The following TXNDC12 variants were observed in gnomAD, a reference collection of about 807,000 sequenced individuals.
TXNDC12 encodes the protein thioredoxin domain-containing protein 12.
In TXNDC12, 22 loss-of-function variants were observed where a neutral mutation model predicts 24.2. The observed-to-expected ratio is 0.91, with a 90% CI of 0.65 to 1.30. The LOEUF is 1.30. TXNDC12 is among the 50% of genes most tolerant of loss of function. The probability of loss-of-function intolerance (pLI) is 0.00; values close to 1 mark genes in which losing one functional copy is unlikely to be tolerated. For synonymous variants in TXNDC12, 58 were observed against 73.4 expected, an observed-to-expected ratio of 0.79 and a Z score of 1.07; for missense variants, 184 against 205.8, an observed-to-expected ratio of 0.89 and a Z score of 0.65.
At chr1:52,027,576 C>T (rs1461719892) in intron 3 of TXNDC12, among the ~76,000 whole-genome samples, 1 of 151,934 alleles carries the variant, frequency 6.6e-6, no homozygotes, top group African/African-American at 2.4e-5. Context: ...GAAGCTGTTA[C>T]CTCATTTATA....
chr1:52,023,437 G>A, intron 6 of TXNDC12, 54 bp downstream of exon 6: 1 of 1,414,286 alleles, frequency 7.1e-7, no homozygotes, highest in Non-Finnish European at 1.0e-6. Context: ...CTTGCATGTG[G>A]TTCATCCTAG....
intron 2 of TXNDC12, chr1:52,032,550 G>C: frequency 7.1e-7 from 1 of 1,403,268 alleles, no homozygotes; most frequent in Admixed American, 3.2e-5. Flanking sequence ...TGGCACAGGG[G>C]TATGCAGGAA....
chr1:52,026,186 G>A (rs1374860150), intron 4 of TXNDC12, among the ~76,000 whole-genome samples: 1 of 152,118 alleles, frequency 6.6e-6, no homozygotes, highest in Non-Finnish European at 1.5e-5. Context: ...TAGAGCATCT[G>A]AGTACCTCAC....
intron 2 of TXNDC12, among the ~76,000 whole-genome samples, chr1:52,039,480 C>T (rs1488484928): frequency 6.6e-6 from 1 of 152,066 alleles, no homozygotes; most frequent in Non-Finnish European, 1.5e-5. Context: ...GGCATGCGCC[C>T]ACCATGCCCA....
At chr1:52,028,745 A>T (rs2809920) in intron 2 of TXNDC12, 115 bp from the exon 3 acceptor site, 29,649 of 804,216 alleles carry the variant, frequency 0.037, 678 homozygotes, top group Non-Finnish European at 0.046. Flanking sequence ...GAAAATCTTT[A>T]GACAAATGTT....
chr1:52,024,107 G>A (rs1446897889), intron 5 of TXNDC12, among the ~76,000 whole-genome samples: 2 of 151,146 alleles, frequency 1.3e-5, no homozygotes, highest in African/African-American at 2.4e-5. Context: ...TGATCCTCCC[G>A]CCTCAGCCTC....
intron 2 of TXNDC12, chr1:52,032,840 G>T: frequency 6.2e-7 from 1 of 1,614,218 alleles, no homozygotes; most frequent in Non-Finnish European, 8.5e-7. Flanking sequence ...CGGGTAAACC[G>T]CAAGTGCTCT....
At chr1:52,032,407 G>T in intron 2 of TXNDC12, 1 of 1,166,384 alleles carries the variant, frequency 8.6e-7, no homozygotes, top group Admixed American at 4.2e-5. Context: ...TCAATGCTCT[G>T]TGATAGCCCA....
intron 1 of TXNDC12, chr1:52,051,841 T>C (rs1371528623): frequency 5.9e-6 from 1 of 169,284 alleles, no homozygotes; most frequent in African/African-American, 2.4e-5. Context: ...TCAGCAACCA[T>C]TGCCTCAGGT....
chr1:52,052,581 G>C (rs1436808936), intron 1 of TXNDC12: 1 of 166,784 alleles, frequency 6.0e-6, no homozygotes, highest in Non-Finnish European at 1.5e-5. Context: ...AACCAGCTTA[G>C]CCAAGGCCCC....
intron 1 of TXNDC12, among the ~76,000 whole-genome samples, chr1:52,054,292 C>G (rs1266930201): frequency 6.6e-6 from 1 of 151,536 alleles, no homozygotes. Context: ...TCTGAGTTCA[C>G]AGACTGTCAG....
At chr1:52,055,218 T>C (rs1322820303), upstream of TXNDC12, 5 of 678,564 alleles carry the variant, frequency 7.4e-6, no homozygotes, top group Non-Finnish European at 1.3e-5. Context: ...TTTTTTTTTT[T>C]CAAACTCTGA....
At chr1:52,042,837 G>A (rs991983302) in intron 1 of TXNDC12, among the ~76,000 whole-genome samples, 1 of 152,108 alleles carries the variant, frequency 6.6e-6, no homozygotes, top group Non-Finnish European at 1.5e-5. Context: ...GGTCAGGCTG[G>A]TCTTGAACTC....
intron 2 of TXNDC12, chr1:52,033,762 C>CCT: frequency 6.3e-7 from 1 of 1,591,732 alleles, no homozygotes. Flanking sequence ...CGAGCGGCAT[C>CCT]CTCTCAGGGA....
At chr1:52,050,078 T>C (rs1005211250) in intron 1 of TXNDC12, among the ~76,000 whole-genome samples, 3 of 152,276 alleles carry the variant, frequency 2.0e-5, no homozygotes, top group Admixed American at 1.3e-4. Context: ...ATCTAGGTGG[T>C]TGGGTTCCAG....
intron 2 of TXNDC12, among the ~76,000 whole-genome samples, chr1:52,029,242 G>A (rs1275860634): frequency 6.6e-6 from 1 of 152,148 alleles, no homozygotes; most frequent in Non-Finnish European, 1.5e-5. Flanking sequence ...CTATAGTCTG[G>A]TTTTAATTAT....
chr1:52,030,241 A>G (rs1685730450), intron 2 of TXNDC12: 1 of 152,052 alleles, frequency 6.6e-6, no homozygotes, highest in African/African-American at 2.4e-5. Context: ...CGTGGGGTGC[A>G]TGCCTGTAGT....
At chr1:52,037,166 G>A (rs1303511728) in intron 2 of TXNDC12, among the ~76,000 whole-genome samples, 1 of 147,840 alleles carries the variant, frequency 6.8e-6, no homozygotes, top group Non-Finnish European at 1.5e-5. Context: ...CCCTGATGTA[G>A]TAGCTGATTT....
upstream of TXNDC12, chr1:52,055,267 G>A (rs912633064): frequency 6.7e-6 from 4 of 592,750 alleles, no homozygotes; most frequent in Non-Finnish European, 1.2e-5. Flanking sequence ...GTGCCTCCGG[G>A]GTCCGGTTTG....
Sources: allele counts gnomAD v4.1 joint callset (sites outside exome capture counted in the v4.1 genomes callset), GRCh38; gene constraint gnomAD v4.1.1; transcripts MANE v1.5; gene names NCBI Gene and HGNC (gene_info 2026-07-23, HGNC 2026-07-21).